The following RAD54L2 variants were observed in gnomAD, a reference collection of about 807,000 sequenced individuals.
The protein encoded by RAD54L2 is RAD54 like 2, also known as helicase ARIP4.
In RAD54L2, 27 loss-of-function variants were observed where a neutral mutation model predicts 138.4. The observed-to-expected ratio is 0.20, with a 90% CI of 0.14 to 0.27. The LOEUF (loss-of-function observed/expected upper bound fraction) is 0.27, where lower values mean the gene tolerates loss of function less well. Ranked by LOEUF, RAD54L2 falls within the 10% of genes least tolerant of loss-of-function variation. The probability of loss-of-function intolerance (pLI) is 1.00; values close to 1 mark genes in which losing one functional copy is unlikely to be tolerated. For missense variants in RAD54L2, 1,396 were observed against 1,890.2 expected (o/e 0.74, Z 4.85); for synonymous variants, 644 against 723.2 (o/e 0.89, Z 1.76).
intron 2 of RAD54L2, among the ~76,000 whole-genome samples, chr3:51,545,815 A>T (rs782301972): frequency 4.6e-5 from 7 of 151,898 alleles, no homozygotes; most frequent in Non-Finnish European, 7.4e-5. Flanking sequence ...TCTTGGGCTC[A>T]AGTGATCCTT....
intron 3 of RAD54L2, among the ~76,000 whole-genome samples, chr3:51,618,897 C>T (rs1485737851): frequency 6.6e-6 from 1 of 152,136 alleles, no homozygotes; most frequent in Non-Finnish European, 1.5e-5. Context: ...TAATTTCTTT[C>T]CCTTGAATGT....
intron 2 of RAD54L2, among the ~76,000 whole-genome samples, chr3:51,550,598 G>C (rs1698810548): frequency 6.6e-6 from 1 of 152,076 alleles, no homozygotes; most frequent in Non-Finnish European, 1.5e-5. Flanking sequence ...CTCTATAGCT[G>C]AGTGTGGTGG....
chr3:51,593,856 C>T (rs751907615), intron 3 of RAD54L2, among the ~76,000 whole-genome samples: 15 of 152,058 alleles, frequency 9.9e-5, no homozygotes, highest in South Asian at 2.1e-4. Context: ...TAGGAATGCG[C>T]GTAGCTTATT....
intron 5 of RAD54L2, 131 bp from the exon 6 acceptor site, chr3:51,630,141 G>T (rs1577439695): frequency 1.5e-6 from 1 of 661,970 alleles, no homozygotes; most frequent in East Asian, 2.8e-5. Context: ...TTTGAGATGG[G>T]CTCTGCTTCT....
At chr3:51,556,168 C>T (rs1314123914) in intron 2 of RAD54L2, among the ~76,000 whole-genome samples, 1 of 152,182 alleles carries the variant, frequency 6.6e-6, no homozygotes, top group African/African-American at 2.4e-5. Context: ...CTGCTTAGCT[C>T]TGTGCCTCTC....
chr3:51,658,613 T>A (rs181742417), intron 21 of RAD54L2, among the ~76,000 whole-genome samples: 1 of 152,156 alleles, frequency 6.6e-6, no homozygotes, highest in African/African-American at 2.4e-5. Flanking sequence ...ATAAGCCCCA[T>A]GATTGTGTGA....
chr3:51,614,328 A>AT (rs1005627186), intron 3 of RAD54L2, among the ~76,000 whole-genome samples: 10 of 151,020 alleles, frequency 6.6e-5, no homozygotes, highest in East Asian at 1.9e-4. Context: ...TGCCCAGCTA[A>AT]TTTTTTTTTA....
intron 2 of RAD54L2, among the ~76,000 whole-genome samples, chr3:51,543,608 C>CA (rs1169502388): frequency 0.088 from 5,277 of 60,120 alleles, 361 homozygotes; most frequent in African/African-American, 0.23. Context: ...AACTCCATCT[C>CA]AAAAAAAAAA....
chr3:51,563,843 A>T (rs1405112549), intron 2 of RAD54L2, among the ~76,000 whole-genome samples: 1 of 152,214 alleles, frequency 6.6e-6, no homozygotes, highest in Non-Finnish European at 1.5e-5. Flanking sequence ...GTAGACTATC[A>T]GCTTGTTCTC....
intron 3 of RAD54L2, among the ~76,000 whole-genome samples, chr3:51,611,114 T>TC (rs1559636022): frequency 1.3e-5 from 2 of 151,876 alleles, no homozygotes; most frequent in South Asian, 2.1e-4. Context: ...TTTTTTTTTT[T>TC]CCCTTAGAGA....
rs747944698 is a variant in RAD54L2, at chr3:51,645,027, C to T, written c.2454C>T (p.Ala818=). ...TTWLFLLSTR[A]GCLGVNLIGA... ...ATTGTTGGCTTGTCTTTTAAAGGGC[C>T]GGATGCTTGGGTGTGAATCTGATTG... The change falls in exon 17 of 23, where the codon GCC becomes GCT. Residue 818 remains alanine, a synonymous_variant. Coordinates refer to ENST00000684192, the MANE Select transcript of RAD54L2 (RefSeq NM_015106.4). This position sits in a 1 kb window ranked among gnomAD's most constrained non-coding sequence, Gnocchi z 6.1. The T allele has an allele frequency of 6.2e-6, 10 of 1,613,016 alleles. No homozygotes were observed. Among genetic ancestry groups the T allele is most frequent in the Admixed American group, 3.3e-5 (2 of 60,006 alleles).
chr3:51,586,811 T>G (rs1402919481), intron 2 of RAD54L2, among the ~76,000 whole-genome samples: 1 of 151,486 alleles, frequency 6.6e-6, no homozygotes, highest in Admixed American at 6.6e-5. Context: ...TCAGGTGATC[T>G]GCTCACTTCA....
chr3:51,617,717 A>C (rs1428017762), intron 3 of RAD54L2, among the ~76,000 whole-genome samples: 2 of 152,144 alleles, frequency 1.3e-5, no homozygotes, highest in African/African-American at 4.8e-5. Flanking sequence ...CTCTACAAAA[A>C]ATTTAAAAAT....
chr3:51,631,401 C>A (rs974318457), intron 7 of RAD54L2, among the ~76,000 whole-genome samples: 1 of 149,368 alleles, frequency 6.7e-6, no homozygotes, highest in Non-Finnish European at 1.5e-5. Flanking sequence ...GACATTGACT[C>A]AGTTTACGAT....
chr3:51,605,451 G>GT (rs56187003), intron 3 of RAD54L2, among the ~76,000 whole-genome samples: 93,277 of 109,284 alleles, frequency 0.85, 40,199 homozygotes, highest in South Asian at 0.88. Flanking sequence ...GAATTTGAGG[G>GT]TTTTTTTTTT....
chr3:51,663,594 CAAAAAAA>C lies in RAD54L2; in HGVS notation c.*192_*198del, dbSNP rs34235841. On this transcript the variant is annotated 3_prime_UTR_variant, in exon 23 of 23. Coordinates refer to ENST00000684192, the MANE Select transcript of RAD54L2 (RefSeq NM_015106.4). The stretch of plus-strand genomic sequence containing the variant: ...CTCTGTTGCTGTTTAACAAAAGAGG[CAAAAAAA>C]AAAAAAAAAAAAAAAAAGTCCAACA... 2.4e-3 allele frequency: 129 copies of C among 54,786 alleles called. No individual in the cohort carries two copies. The highest frequency in any genetic ancestry group is 0.017 in the Middle Eastern group (2 of 118). The allele number at this position is 54,786 out of a possible 1,614,324, so 3.4% of individuals were successfully genotyped here. A position where few individuals can be genotyped will look rare whatever the true frequency, so the allele number is the denominator to read the frequency against.
At chr3:51,658,429 A>G (rs184846504) in intron 21 of RAD54L2, among the ~76,000 whole-genome samples, 1 of 152,292 alleles carries the variant, frequency 6.6e-6, no homozygotes, top group East Asian at 1.9e-4. Context: ...ATTTTTGCAT[A>G]TGGTAATTTA....
At chr3:51,574,020 G>A (rs921381500) in intron 2 of RAD54L2, among the ~76,000 whole-genome samples, 15 of 96,628 alleles carry the variant, frequency 1.6e-4, no homozygotes, top group Admixed American at 3.2e-4. Flanking sequence ...AATAGGCCCC[G>A]GTGTTTGATG....
intron 1 of RAD54L2, 103 bp from the exon 2 acceptor site, chr3:51,541,486 A>G (rs1039024565): frequency 1.3e-5 from 2 of 152,166 alleles, no homozygotes; most frequent in African/African-American, 2.4e-5. Flanking sequence ...TACAAATACT[A>G]TATGTGTTCA....
Sources: gnomAD v4.1 joint callset for allele counts (sites outside exome capture counted in the v4.1 genomes callset) on GRCh38, gnomAD v4.1.1 for gene constraint, Gnocchi (gnomAD v3.1) non-coding constraint, MANE v1.5 for transcripts, NCBI Gene and HGNC (gene_info 2026-07-23, HGNC 2026-07-21) for gene names.